Variants in ABCA13 observed in about 807,000 individuals in gnomAD.
ABCA13 encodes the protein ATP-binding cassette sub-family A member 13.
Under a neutral mutation model 478.7 loss-of-function variants are expected in ABCA13, and 476 were observed. The observed-to-expected ratio is 0.99, with a 90% CI of 0.92 to 1.07. ABCA13 has a LOEUF of 1.07. ABCA13 is among the 50% of genes least tolerant of loss of function. The pLI is 0.00. For missense variants in ABCA13, 6,060 were observed against 5,910.6 expected (o/e 1.03, Z -0.83); for synonymous variants, 2,252 against 2,158.9 (o/e 1.04, Z -1.20).
At position 48,412,596 on chromosome 7, in the gene ABCA13, C is replaced by A. The variant is rs891386405; in HGVS notation, c.12459+13C>A. On this transcript the variant is annotated intron_variant, in intron 41 of 61. Coordinates refer to ENST00000435803, the MANE Select transcript of ABCA13 (RefSeq NM_152701.5). Reference sequence around the variant, plus strand: ...CACCTTAGAAGAGGTACTGAGAAAACTGAAGCGTGCTTTAATTATTTATGC... The same window carrying A: ...CACCTTAGAAGAGGTACTGAGAAAAATGAAGCGTGCTTTAATTATTTATGC... 1.3e-6 allele frequency: 2 copies of A among 1,582,494 alleles called. No individual in the cohort carries two copies. Among genetic ancestry groups the A allele is most frequent in the East Asian group, 4.5e-5 (2 of 44,344 alleles).
chr7:48,579,938 CATTTAT>C (rs1336411491), intron 55 of ABCA13, among the ~76,000 whole-genome samples: 1 of 152,092 alleles, frequency 6.6e-6, no homozygotes, highest in Non-Finnish European at 1.5e-5. Context: ...CAAAAGAAGA[CATTTAT>C]ACTGAATTTT....
At chr7:48,263,152 C>G (rs1794417035) in intron 15 of ABCA13, among the ~76,000 whole-genome samples, 1 of 151,876 alleles carries the variant, frequency 6.6e-6, no homozygotes. Flanking sequence ...AATTGTGGCC[C>G]CATCTCAGAC....
At position 48,275,846 on chromosome 7, in the gene ABCA13, C is replaced by G. The variant is rs1796230785; in HGVS notation, c.6180C>G (p.Pro2060=). ...ETPYNFEELW[P]KFQQIMKDLT... ...CTTACAACTTTGAAGAACTATGGCC[C>G]AAGTTTCAACAAATCATGAAAGACC... The change falls in exon 17 of 62, where the codon CCC becomes CCG. Residue 2060 remains proline (P), a synonymous_variant. Coordinates refer to ENST00000435803, the MANE Select transcript of ABCA13 (RefSeq NM_152701.5). The G allele has an allele frequency of 1.2e-6, 2 of 1,613,146 alleles. No individual in the cohort carries two copies. Among genetic ancestry groups the G allele is most frequent in the South Asian group, 2.2e-5 (2 of 91,016 alleles).
At chr7:48,601,875 C>T (rs1210008866) in intron 58 of ABCA13, among the ~76,000 whole-genome samples, 1 of 152,206 alleles carries the variant, frequency 6.6e-6, no homozygotes, top group Non-Finnish European at 1.5e-5. Flanking sequence ...CACATCCTCT[C>T]CAGCATCTGT....
At chr7:48,602,961 A>G (rs1167979895) in intron 58 of ABCA13, among the ~76,000 whole-genome samples, 5 of 152,062 alleles carry the variant, frequency 3.3e-5, no homozygotes, top group Non-Finnish European at 1.5e-5. Context: ...TGTAAGTTGT[A>G]TTCCTATGAA....
chr7:48,202,219 C>G (rs1798866386), intron 3 of ABCA13, among the ~76,000 whole-genome samples: 1 of 152,216 alleles, frequency 6.6e-6, no homozygotes, highest in African/African-American at 2.4e-5. Context: ...TTATTCTTAT[C>G]TGGCCCCACC....
chr7:48,274,453 C>A lies in ABCA13; in HGVS notation c.4787C>A (p.Ser1596Tyr), dbSNP rs761400417. 2.5e-6 allele frequency: 4 copies of A among 1,613,766 alleles called. No homozygotes were observed. The highest frequency in any genetic ancestry group is 3.4e-6 in the Non-Finnish European group (4 of 1,179,796). ...KEKDVNSVGN[S>Y]IYHLASYLAF... ...AAGGATGTAAACAGTGTAGGCAATT[C>A]CATTTATCACTTAGCTAGTTACCTT... The change falls in exon 17 of 62, where the codon TCC (serine) becomes TAC (tyrosine). Residue 1596 changes from serine to tyrosine, a missense_variant. This residue lies in a region of ABCA13 where 4,423 missense variants were observed against 4,309.1 expected (regional missense o/e 1.03). Transcript: ENST00000435803.
At position 48,471,664 on chromosome 7, in the gene ABCA13, C is replaced by T; in HGVS notation, c.12975+65C>T. The T allele has an allele frequency of 1.1e-5, 15 of 1,396,480 alleles. No individual in the cohort carries two copies. The South Asian group carries it at 1.9e-4, about 18-fold the overall frequency. 86.5% of individuals were successfully genotyped at this position (1,396,480 alleles called of 1,614,324 possible). On this transcript the variant is annotated intron_variant, in intron 45 of 61. Coordinates refer to ENST00000435803, the MANE Select transcript of ABCA13 (RefSeq NM_152701.5). Reference sequence around the variant, plus strand: ...ATTCAAGTGACAAAAATGAGTTTACCCTATCTATAAAATTTTCATATTTGT... The same window carrying T: ...ATTCAAGTGACAAAAATGAGTTTACTCTATCTATAAAATTTTCATATTTGT...
intron 32 of ABCA13, among the ~76,000 whole-genome samples, chr7:48,370,436 A>G (rs1812450673): frequency 6.6e-6 from 1 of 152,106 alleles, no homozygotes; most frequent in Non-Finnish European, 1.5e-5. Flanking sequence ...TACATTGAAT[A>G]GTAGTGGTGA....
At chr7:48,363,120 G>A (rs540856785) in intron 31 of ABCA13, among the ~76,000 whole-genome samples, 3 of 152,134 alleles carry the variant, frequency 2.0e-5, no homozygotes, top group South Asian at 2.1e-4. Context: ...ATCATTTGGC[G>A]GGATGAAGTT....
chr7:48,292,648 G>A (rs1344851152), intron 20 of ABCA13, among the ~76,000 whole-genome samples: 1 of 152,188 alleles, frequency 6.6e-6, no homozygotes, highest in Non-Finnish European at 1.5e-5. Context: ...CCACCTCAGG[G>A]CCTTTGCACT....
chr7:48,615,146 G>T, intron 58 of ABCA13, 139 bp from the exon 59 acceptor site: 1 of 417,528 alleles, frequency 2.4e-6, no homozygotes, highest in Non-Finnish European at 4.1e-6. Flanking sequence ...TTTTGATTTG[G>T]TTACCATGAG....
chr7:48,441,984 G>A (rs1443742388), intron 42 of ABCA13, among the ~76,000 whole-genome samples: 1 of 152,248 alleles, frequency 6.6e-6, no homozygotes, highest in Non-Finnish European at 1.5e-5. Context: ...GTAGCACAGA[G>A]TAAATAACTG....
rs115436241 is a variant in ABCA13 at position 48,370,429 on chromosome 7, A to T, written c.10804-1739A>T. ...CTCTGACTAGGACTTCCAGTACTACATTGAATAGTAGTGGTGAAAGTGGGC... is the reference window on the plus strand; with the variant it reads ...CTCTGACTAGGACTTCCAGTACTACTTTGAATAGTAGTGGTGAAAGTGGGC... On this transcript the variant is annotated intron_variant, in intron 32 of 61. Transcript: ENST00000435803. Among the ~76,000 whole-genome samples the T allele has an allele frequency of 4.2e-3, 646 of 152,162 alleles. 5 individuals are homozygous for T. Among genetic ancestry groups the T allele is most frequent in the African/African-American group, 0.014 (599 of 41,522 alleles).
chr7:48,603,303 G>C (rs1791106210), intron 58 of ABCA13, among the ~76,000 whole-genome samples: 1 of 152,172 alleles, frequency 6.6e-6, no homozygotes. Flanking sequence ...TCCTCATCTT[G>C]TGCTGGTTTT....
At chr7:48,206,409 G>T (rs1784924969) in intron 3 of ABCA13, among the ~76,000 whole-genome samples, 1 of 152,180 alleles carries the variant, frequency 6.6e-6, no homozygotes. Context: ...ACATGGCTAG[G>T]TATGTAGTAG....
intron 55 of ABCA13, 127 bp downstream of exon 55, chr7:48,528,472 A>G (rs1453298319): frequency 4.7e-6 from 3 of 641,242 alleles, no homozygotes; most frequent in East Asian, 2.9e-5. Context: ...TTACCTTCCA[A>G]TTACCACTCC....
chr7:48,514,808 G>C (rs1360545000), intron 51 of ABCA13, among the ~76,000 whole-genome samples: 1 of 151,984 alleles, frequency 6.6e-6, no homozygotes, highest in Non-Finnish European at 1.5e-5. Context: ...TTATCTCTCT[G>C]GTAATTATTT....
rs752546186 is a variant in ABCA13 at position 48,279,058 on chromosome 7, C to T, written c.7864C>T (p.Leu2622Phe). The T allele has an allele frequency of 6.2e-7, 1 of 1,613,042 alleles. No homozygotes were observed. The highest frequency in any genetic ancestry group is 2.2e-5 in the East Asian group (1 of 44,842). Residue 2622 changes from leucine (L) to phenylalanine (F), a missense_variant, in exon 18 of 62, where the codon CTC becomes TTC. Physicochemically the swap from Leu to Phe is conservative, Grantham distance 22 (BLOSUM62 0). Around this residue, in one of 3 missense-constraint regions of ABCA13, gnomAD observed 4,423 missense variants for 4,309.1 expected, o/e 1.03. Transcript: ENST00000435803. ...SDIFSMSPSI[L>F]SYMNQSKDFS... ...TATTTTCAGTATGTCACCTAGCATA[C>T]TCTCATATATGAACCAATCTAAGGA...
Sources: gnomAD v4.1 joint callset for allele counts (sites outside exome capture counted in the v4.1 genomes callset) on GRCh38, gnomAD v4.1.1 for gene constraint, gnomAD v4.1.1 regional missense constraint, MANE v1.5 for transcripts, NCBI Gene and HGNC (gene_info 2026-07-23, HGNC 2026-07-21) for gene names.